Variants in COL14A1 observed in about 807,000 individuals in gnomAD.
COL14A1 encodes the protein collagen type XIV alpha 1 chain.
COL14A1 carries 136 observed loss-of-function variants against 230.3 expected under a neutral mutation model. That is an observed-to-expected ratio of 0.59 (90% confidence interval 0.51 to 0.68). COL14A1 has a LOEUF of 0.68. COL14A1 is among the 30% of genes least tolerant of loss of function. The probability of loss-of-function intolerance (pLI) is 0.00; values close to 1 mark genes in which losing one functional copy is unlikely to be tolerated. For synonymous variants in COL14A1, 792 were observed against 784.1 expected, an observed-to-expected ratio of 1.01 and a Z score of -0.17; for missense variants, 1,976 against 2,215.8, an observed-to-expected ratio of 0.89 and a Z score of 2.17.
chr8:120,284,998 CTCTT>C (rs1381305197), intron 32 of COL14A1, among the ~76,000 whole-genome samples: 1 of 151,806 alleles, frequency 6.6e-6, no homozygotes, highest in East Asian at 1.9e-4. Flanking sequence ...AGAATCTTTT[CTCTT>C]TCTAATTCAT....
chr8:120,304,311 T>C (rs1820797721), intron 36 of COL14A1, among the ~76,000 whole-genome samples: 1 of 152,194 alleles, frequency 6.6e-6, no homozygotes, highest in Non-Finnish European at 1.5e-5. Flanking sequence ...CTCTTGCTTC[T>C]CTCATTCTCT....
chr8:120,162,937 C>G (rs991406999), intron 4 of COL14A1, among the ~76,000 whole-genome samples: 1 of 152,164 alleles, frequency 6.6e-6, no homozygotes, highest in Admixed American at 6.6e-5. Flanking sequence ...CCCCTAGAAG[C>G]CTGCAAGTTT....
chr8:120,138,583 C>T (rs1410986289), intron 1 of COL14A1, among the ~76,000 whole-genome samples: 1 of 152,194 alleles, frequency 6.6e-6, no homozygotes, highest in Non-Finnish European at 1.5e-5. Context: ...CTAATAGGAA[C>T]TAAACTAGGT....
chr8:120,359,439 G>A (rs560179422), intron 45 of COL14A1, among the ~76,000 whole-genome samples: 4 of 152,242 alleles, frequency 2.6e-5, no homozygotes, highest in African/African-American at 7.2e-5. Context: ...TCCAACAGTG[G>A]AGAGCATCAT....
intron 22 of COL14A1, among the ~76,000 whole-genome samples, chr8:120,253,054 A>C (rs1294759579): frequency 6.6e-6 from 1 of 152,226 alleles, no homozygotes; most frequent in Non-Finnish European, 1.5e-5. Context: ...TTGTGGCTTC[A>C]CTAATGAAAC....
At chr8:120,370,972 G>A (rs1823566857) in intron 47 of COL14A1, 180 bp from the exon 48 acceptor site, 8 of 1,080,648 alleles carry the variant, frequency 7.4e-6, no homozygotes, top group African/African-American at 3.2e-5. Flanking sequence ...CTTTCCCTTC[G>A]TCTATTTACT....
intron 5 of COL14A1, among the ~76,000 whole-genome samples, chr8:120,195,377 C>G (rs1196790835): frequency 6.6e-6 from 1 of 152,038 alleles, no homozygotes; most frequent in Non-Finnish European, 1.5e-5. Context: ...AAACCCAGCC[C>G]CAAACCCCTC....
At chr8:120,338,835 A>G (rs543450251) in intron 42 of COL14A1, among the ~76,000 whole-genome samples, 2 of 152,136 alleles carry the variant, frequency 1.3e-5, no homozygotes, top group Non-Finnish European at 2.9e-5. Flanking sequence ...GTTTCCGTTA[A>G]GGATTATTTA....
In COL14A1 at chr8:120,345,370, C is replaced by A; in HGVS notation, c.4889-5C>A. The A allele has an allele frequency of 6.4e-7, 1 of 1,573,178 alleles. No individual in the cohort carries two copies. The highest frequency in any genetic ancestry group is 8.6e-7 in the Non-Finnish European group (1 of 1,165,208). ...TGAATGCTGTCTTTATGCTTCATAC[C>A]TCAGGTCACATGGCCAGGTACACTG... is the stretch of plus-strand genomic sequence containing the variant. On this transcript the variant is annotated splice_polypyrimidine_tract_variant and splice_region_variant and intron_variant, in intron 44 of 47. Coordinates refer to ENST00000297848, the MANE Select transcript of COL14A1 (RefSeq NM_021110.4).
intron 32 of COL14A1, 90 bp downstream of exon 32, chr8:120,283,868 G>T: frequency 9.9e-7 from 1 of 1,010,590 alleles, no homozygotes. Flanking sequence ...ATATTACAGA[G>T]TAACTCACTA....
At chr8:120,349,374 A>G (rs963432055) in intron 45 of COL14A1, among the ~76,000 whole-genome samples, 1 of 150,778 alleles carries the variant, frequency 6.6e-6, no homozygotes, top group Non-Finnish European at 1.5e-5. Flanking sequence ...CAACAGAACA[A>G]AGCTGGGTGG....
chr8:120,143,015 G>A (rs1346436378), intron 1 of COL14A1, among the ~76,000 whole-genome samples: 1 of 152,154 alleles, frequency 6.6e-6, no homozygotes, highest in African/African-American at 2.4e-5. Flanking sequence ...TTCATCAGAG[G>A]CTTTTGCACT....
chr8:120,197,812 T>G lies in COL14A1; in HGVS notation c.594T>G (p.Gly198=). The change falls in exon 7 of 48, where the codon GGT becomes GGG. Residue 198 remains glycine, a splice_region_variant and synonymous_variant. Coordinates refer to ENST00000297848, the MANE Select transcript of COL14A1 (RefSeq NM_021110.4). ...GCGTTTCCTAATCTTTTTTTCCAGG[T>G]CTTGCACAGTATAGTGGTGACCCCA... ...FDVGSEKTRI[G]LAQYSGDPRI... 1 of 1,612,490 alleles carries G rather than the reference T, an allele frequency of 6.2e-7. No individual in the cohort carries two copies. Among genetic ancestry groups the G allele is most frequent in the Non-Finnish European group, 8.5e-7 (1 of 1,178,996 alleles).
At chr8:120,220,360 G>A (rs1817890704) in intron 14 of COL14A1, among the ~76,000 whole-genome samples, 1 of 148,132 alleles carries the variant, frequency 6.8e-6, no homozygotes, top group East Asian at 2.0e-4. Context: ...TGCAATCTCC[G>A]CCTCCTGGGT....
intron 42 of COL14A1, among the ~76,000 whole-genome samples, chr8:120,337,056 G>A (rs1822102909): frequency 6.6e-6 from 1 of 152,164 alleles, no homozygotes; most frequent in Admixed American, 6.5e-5. Flanking sequence ...CCCCAGCTCA[G>A]TGTCTAACAC....
At chr8:120,345,198 C>T (rs1055922034) in intron 44 of COL14A1, among the ~76,000 whole-genome samples, 177 bp from the exon 45 acceptor site, 1 of 152,094 alleles carries the variant, frequency 6.6e-6, no homozygotes. Context: ...TTAATATCAT[C>T]CAGAGTAAAA....
intron 33 of COL14A1, among the ~76,000 whole-genome samples, chr8:120,288,520 G>T (rs1179978324): frequency 6.6e-6 from 1 of 152,088 alleles, no homozygotes; most frequent in Non-Finnish European, 1.5e-5. Flanking sequence ...CTTACAATGT[G>T]AATACACTGC....
intron 5 of COL14A1, among the ~76,000 whole-genome samples, chr8:120,191,777 T>C (rs1586752086): frequency 6.6e-6 from 1 of 152,228 alleles, no homozygotes; most frequent in Middle Eastern, 3.4e-3. Context: ...TCTTGTTGAA[T>C]TGATCCCTTT....
intron 1 of COL14A1, among the ~76,000 whole-genome samples, chr8:120,136,051 TAG>T: frequency 1.3e-5 from 2 of 152,250 alleles, no homozygotes; most frequent in Admixed American, 1.3e-4. Context: ...TGATTGTGAA[TAG>T]AGTCAGTTTA....
Sources: gnomAD v4.1 joint callset for allele counts (sites outside exome capture counted in the v4.1 genomes callset) on GRCh38, gnomAD v4.1.1 for gene constraint, MANE v1.5 for transcripts, NCBI Gene and HGNC (gene_info 2026-07-23, HGNC 2026-07-21) for gene names.